Variants in SV2C observed in about 807,000 individuals in gnomAD.
SV2C encodes the protein synaptic vesicle glycoprotein 2C, also known as solute carrier family 22 member B3.
Under a neutral mutation model 79.7 loss-of-function variants are expected in SV2C, and 49 were observed. The ratio of observed to expected loss-of-function variants is 0.61; its 90% CI spans 0.49 to 0.78. The LOEUF (loss-of-function observed/expected upper bound fraction) is 0.78, where lower values mean the gene tolerates loss of function less well. Among genes scored for constraint, SV2C ranks in the 30% least tolerant of loss-of-function variants. The probability of loss-of-function intolerance (pLI) is 0.00; values close to 1 mark genes in which losing one functional copy is unlikely to be tolerated. For missense variants in SV2C, 833 were observed against 912.9 expected, an observed-to-expected ratio of 0.91 and a Z score of 1.13; for synonymous variants, 334 against 333.2, an observed-to-expected ratio of 1.00 and a Z score of -0.03.
chr5:75,984,567 A>ATCTATATCTATCTGTC, the SV2C span, among the ~76,000 whole-genome samples: 29 of 102,822 alleles, frequency 2.8e-4, no homozygotes, highest in African/African-American at 6.9e-4. Flanking sequence ...CTATCTATCT[A>ATCTATATCTATCTGTC]TATCTATCTA....
At chr5:76,118,200 G>T (rs1158972859) in intron 1 of SV2C, among the ~76,000 whole-genome samples, 2 of 152,176 alleles carry the variant, frequency 1.3e-5, no homozygotes, top group Non-Finnish European at 2.9e-5. Context: ...GACTCCAGGT[G>T]CTCCTCAGCC....
the SV2C span, among the ~76,000 whole-genome samples, chr5:75,955,981 A>G: frequency 3.6e-3 from 548 of 150,582 alleles, 2 homozygotes; most frequent in African/African-American, 0.012. Context: ...TGTGGAAGTC[A>G]GTGTGGCGAT....
intron 2 of SV2C, among the ~76,000 whole-genome samples, chr5:76,151,533 G>A (rs1187274477): frequency 6.6e-6 from 1 of 152,150 alleles, no homozygotes; most frequent in Non-Finnish European, 1.5e-5. Flanking sequence ...GGTGATGAGG[G>A]CCTTGTTGTG....
the SV2C span, among the ~76,000 whole-genome samples, chr5:76,028,580 C>T: frequency 3.7e-4 from 56 of 152,272 alleles, no homozygotes; most frequent in African/African-American, 1.3e-3. Context: ...ATTCCAGCCC[C>T]GCTTTTGAAC....
the SV2C span, among the ~76,000 whole-genome samples, chr5:75,924,414 AT>A: frequency 1.3e-4 from 20 of 152,334 alleles, no homozygotes; most frequent in East Asian, 9.6e-4. Context: ...AAATAAAAAA[AT>A]ATTCATTTCA....
intron 1 of SV2C, among the ~76,000 whole-genome samples, chr5:76,130,364 A>C (rs1179958995): frequency 6.6e-6 from 1 of 152,188 alleles, no homozygotes; most frequent in Non-Finnish European, 1.5e-5. Context: ...GTCCATTTAT[A>C]AACAAACATC....
At chr5:75,989,334 C>G in the SV2C span, among the ~76,000 whole-genome samples, 2 of 151,928 alleles carry the variant, frequency 1.3e-5, no homozygotes, top group African/African-American at 4.8e-5. Context: ...CCCCATGTGT[C>G]CATGTGTTCT....
At chr5:76,269,196 G>A (rs1161722631) in intron 4 of SV2C, among the ~76,000 whole-genome samples, 1 of 152,180 alleles carries the variant, frequency 6.6e-6, no homozygotes, top group African/African-American at 2.4e-5. Context: ...CCTACAAAAT[G>A]CCAGTAGTAA....
chr5:76,257,258 AGTGTAT>A (rs1246644277), intron 4 of SV2C, among the ~76,000 whole-genome samples: 1 of 56,544 alleles, frequency 1.8e-5, no homozygotes, highest in South Asian at 9.0e-4. Flanking sequence ...GGGGGGCTGT[AGTGTAT>A]GTGTGTGTGT....
chr5:76,193,661 A>G (rs1367564056), intron 2 of SV2C, among the ~76,000 whole-genome samples: 1 of 152,198 alleles, frequency 6.6e-6, no homozygotes, highest in East Asian at 1.9e-4. Context: ...AAAGTCCAGG[A>G]CTTCCCAGTG....
rs559448545 is a variant in SV2C at position 76,154,549 on chromosome 5, G to A, written c.580+22219G>A. On this transcript the variant is annotated intron_variant, in intron 2 of 12. Transcript: ENST00000502798. ...GAGTGCTACGCTGCATCACACTCCA[G>A]ACCACACAGAGCTGCATGCATAGCA... Among the ~76,000 whole-genome samples the A allele has an allele frequency of 5.9e-5, 9 of 152,246 alleles. No homozygotes were observed. The South Asian group carries it at 1.7e-3, about 28-fold the overall frequency.
the SV2C span, among the ~76,000 whole-genome samples, chr5:75,883,606 A>G: frequency 6.9e-6 from 1 of 145,772 alleles, no homozygotes; most frequent in African/African-American, 2.6e-5. Flanking sequence ...CCAACACCGC[A>G]TATTCTCACT....
chr5:76,162,167 T>C (rs916394700), intron 2 of SV2C, among the ~76,000 whole-genome samples: 5 of 152,142 alleles, frequency 3.3e-5, no homozygotes, highest in African/African-American at 1.2e-4. Flanking sequence ...TTTTTAAAAA[T>C]CTCAATGACA....
chr5:76,267,187 T>A (rs1746688277), intron 4 of SV2C, among the ~76,000 whole-genome samples: 1 of 152,094 alleles, frequency 6.6e-6, no homozygotes, highest in Non-Finnish European at 1.5e-5. Flanking sequence ...TGGGAATGAG[T>A]GACTGATGTG....
chr5:76,217,057 C>G (rs1262463923), intron 4 of SV2C, among the ~76,000 whole-genome samples: 6 of 152,172 alleles, frequency 3.9e-5, no homozygotes, highest in Non-Finnish European at 8.8e-5. Context: ...CTTGTTTTAG[C>G]CCGAAAGGCC....
At chr5:76,254,878 T>C (rs1048580345) in intron 4 of SV2C, among the ~76,000 whole-genome samples, 4 of 152,188 alleles carry the variant, frequency 2.6e-5, no homozygotes, top group African/African-American at 4.8e-5. Flanking sequence ...ATCAAAAGCA[T>C]CTGAGACAGG....
chr5:75,876,365 T>C, the SV2C span, among the ~76,000 whole-genome samples: 2 of 151,982 alleles, frequency 1.3e-5, no homozygotes, highest in Non-Finnish European at 1.5e-5. Context: ...GGGAGCTAAA[T>C]GATAAGAACT....
chr5:76,172,288 TGG>T (rs1199468988), intron 2 of SV2C, among the ~76,000 whole-genome samples: 29 of 7,416 alleles, frequency 3.9e-3, no homozygotes, highest in Admixed American at 6.6e-3. Flanking sequence ...GGGAGGGAGG[TGG>T]GGGGGGGGGT....
chr5:76,256,093 C>G (rs1224985499), intron 4 of SV2C, among the ~76,000 whole-genome samples: 1 of 152,156 alleles, frequency 6.6e-6, no homozygotes, highest in Non-Finnish European at 1.5e-5. Flanking sequence ...CATGCTTGAC[C>G]CTTGGGTTCT....
Sources: allele counts gnomAD v4.1 joint callset (sites outside exome capture counted in the v4.1 genomes callset), GRCh38; gene constraint gnomAD v4.1.1; transcripts MANE v1.5; gene names NCBI Gene and HGNC (gene_info 2026-07-23, HGNC 2026-07-21).